PTPRC: variants seen among roughly 807,000 people sequenced by gnomAD.
PTPRC encodes the protein receptor-type tyrosine-protein phosphatase C.
A neutral mutation model predicts 155.9 loss-of-function variants in PTPRC; 44 were observed. That is an observed-to-expected ratio of 0.28 (90% CI 0.22 to 0.36). PTPRC has a LOEUF of 0.36. Ranked by LOEUF, PTPRC falls within the 10% of genes least tolerant of loss-of-function variation. The pLI, the probability that PTPRC is intolerant of heterozygous loss-of-function variation, is 1.00. For missense variants in PTPRC, 1,401 were observed against 1,564.6 expected, an observed-to-expected ratio of 0.90 and a Z score of 1.76; for synonymous variants, 525 against 533.1, an observed-to-expected ratio of 0.98 and a Z score of 0.21.
At chr1:198,740,496 C>T (rs888298284) in intron 23 of PTPRC, among the ~76,000 whole-genome samples, 1 of 151,774 alleles carries the variant, frequency 6.6e-6, no homozygotes, top group East Asian at 1.9e-4. Flanking sequence ...GCAGTAGAAT[C>T]ACTTGAACCT....
At chr1:198,704,577 C>T in intron 8 of PTPRC, 79 bp downstream of exon 8, 6 of 1,611,938 alleles carry the variant, frequency 3.7e-6, no homozygotes, top group Non-Finnish European at 5.1e-6. Context: ...TCCAAGCTTT[C>T]AGGACCCACT....
At chr1:198,754,021 A>T (rs892520509) in intron 31 of PTPRC, among the ~76,000 whole-genome samples, 10 of 152,216 alleles carry the variant, frequency 6.6e-5, no homozygotes, top group African/African-American at 2.4e-4. Flanking sequence ...ATACTAAATA[A>T]AAGAAAATAT....
chr1:198,731,743 T>C lies in PTPRC; in HGVS notation c.1974+17T>C, dbSNP rs768860009. On this transcript the variant is annotated intron_variant, in intron 18 of 32. Transcript: ENST00000442510. Reference sequence around the variant, plus strand: ...GAATTTCAGGTGTGTGTTGCTTTTGTTATATGATGATAAATTCGACATCAA... The same window carrying C: ...GAATTTCAGGTGTGTGTTGCTTTTGCTATATGATGATAAATTCGACATCAA... 3 of 1,540,102 alleles carry C rather than the reference T, an allele frequency of 1.9e-6. No individual in the cohort carries two copies. The highest frequency in any genetic ancestry group is 2.7e-6 in the Non-Finnish European group (3 of 1,113,592).
chr1:198,739,596 C>A (rs1418457864), intron 23 of PTPRC, among the ~76,000 whole-genome samples: 1 of 151,674 alleles, frequency 6.6e-6, no homozygotes, highest in African/African-American at 2.4e-5. Context: ...ATTGTTAGAG[C>A]TAAAGAGAGA....
intron 2 of PTPRC, among the ~76,000 whole-genome samples, chr1:198,662,471 TGTGTGTGAGA>T (rs954656489): frequency 2.2e-4 from 29 of 131,104 alleles, no homozygotes; most frequent in Non-Finnish European, 3.4e-4. Context: ...TGTGTGTGTG[TGTGTGTGAGA>T]GTGTGTGTGT....
chr1:198,720,862 C>A (rs752716805), intron 14 of PTPRC, among the ~76,000 whole-genome samples: 4 of 152,056 alleles, frequency 2.6e-5, no homozygotes, highest in Admixed American at 6.5e-5. Flanking sequence ...ATACTTCATT[C>A]CCCACTGCTT....
chr1:198,712,731 G>A, intron 11 of PTPRC: 1 of 554,934 alleles, frequency 1.8e-6, no homozygotes, highest in South Asian at 2.2e-5. Context: ...TCAAGTCAGT[G>A]GAATGCTTAG....
chr1:198,679,724 C>G, intron 2 of PTPRC: 1 of 393,102 alleles, frequency 2.5e-6, no homozygotes, highest in Admixed American at 3.6e-5. Flanking sequence ...GAGGCCCGAG[C>G]CCACGTAATG....
Position 198,732,313 on chromosome 1 carries a change from T to C in PTPRC, c.1988T>C (p.Val663Ala). ...TGTTTCTTTCAGAGCATCCCGCGGG[T>C]GTTCAGCAAGTTTCCTATAAAGGAA... ...FLAEFQSIPR[V>A]FSKFPIKEAR... The change falls in exon 19 of 33, where the codon GTG becomes GCG. Residue 663 changes from valine to alanine, a missense_variant. Coordinates refer to ENST00000442510, the MANE Select transcript of PTPRC (RefSeq NM_002838.5). The C allele has an allele frequency of 1.2e-6, 2 of 1,612,104 alleles. No individual in the cohort carries two copies. Among genetic ancestry groups the C allele is most frequent in the South Asian group, 2.2e-5 (2 of 91,032 alleles).
At chr1:198,740,783 G>A (rs1307564368) in intron 23 of PTPRC, among the ~76,000 whole-genome samples, 1 of 151,810 alleles carries the variant, frequency 6.6e-6, no homozygotes, top group Non-Finnish European at 1.5e-5. Context: ...CTAGATACAT[G>A]CAACCTATCA....
At chr1:198,723,112 C>CAT (rs3033891) in intron 15 of PTPRC, among the ~76,000 whole-genome samples, 74,394 of 143,902 alleles carry the variant, frequency 0.52, 20,495 homozygotes, top group East Asian at 0.81. Context: ...TAGTTTCCTT[C>CAT]ATATATATAT....
chr1:198,698,001 G>A (rs1446965618), intron 4 of PTPRC, among the ~76,000 whole-genome samples: 4 of 152,106 alleles, frequency 2.6e-5, no homozygotes, highest in Admixed American at 2.0e-4. Flanking sequence ...TGAACACATT[G>A]CCCAAAATTT....
In PTPRC at chr1:198,717,197, G is replaced by A. The variant is rs151025657; in HGVS notation, c.1450+357G>A. 3.5e-4 allele frequency among the ~76,000 whole-genome samples: 53 copies of A among 152,312 alleles called. No homozygotes were observed. In the East Asian group the frequency reaches 9.4e-3, roughly 27 times the overall value. ...TAATTGTAATCAGAAACCTAACAAT[G>A]TCTCATAAAGCATTAGCCTACTAAC... On this transcript the variant is annotated intron_variant, in intron 13 of 32. Coordinates refer to ENST00000442510, the MANE Select transcript of PTPRC (RefSeq NM_002838.5).
Position 198,735,169 on chromosome 1 carries a change from C to G in PTPRC, c.2320C>G (p.Arg774Gly). The change falls in exon 23 of 33, where the codon CGG becomes GGG. Residue 774 changes from arginine to glycine, a missense_variant. Arg to Gly is a moderately radical substitution (Grantham distance 125, BLOSUM62 -2). This residue lies in a region of PTPRC where 867 missense variants were observed against 970.4 expected (regional missense o/e 0.89). Coordinates refer to ENST00000442510, the MANE Select transcript of PTPRC (RefSeq NM_002838.5). ...EYWPSMEEGT[R>G]AFGDVVVKIN... ...CTGGCCGTCAATGGAAGAGGGCACT[C>G]GGGCTTTTGGAGATGTTGTTGTAAA... is the stretch of plus-strand genomic sequence containing the variant. 1 of 1,603,636 alleles carries G rather than the reference C, an allele frequency of 6.2e-7. No homozygotes were observed. The highest frequency in any genetic ancestry group is 8.5e-7 in the Non-Finnish European group (1 of 1,173,698).
chr1:198,731,643 G>A lies in PTPRC; in HGVS notation c.1891G>A (p.Glu631Lys), dbSNP rs1486244862. The part of the protein sequence containing the change: ...RDDEKQLMNV[E>K]PIHADILLET... The stretch of plus-strand genomic sequence containing the variant: ...TGATGAAAAACAACTGATGAATGTG[G>A]AGCCAATCCATGCAGATATTTTGTT... Residue 631 changes from glutamate to lysine, a missense_variant, in exon 18 of 33, where the codon GAG becomes AAG. This residue lies in a region of PTPRC where 867 missense variants were observed against 970.4 expected (regional missense o/e 0.89). Transcript: ENST00000442510. 1.6e-5 allele frequency: 26 copies of A among 1,610,608 alleles called. No homozygotes were observed. The highest frequency in any genetic ancestry group is 2.2e-5 in the Non-Finnish European group (26 of 1,177,470).
intron 2 of PTPRC, among the ~76,000 whole-genome samples, chr1:198,681,280 A>G (rs1353619869): frequency 6.6e-6 from 1 of 152,242 alleles, no homozygotes; most frequent in Non-Finnish European, 1.5e-5. Flanking sequence ...ATAGGAATAT[A>G]CAGCATGGAA....
At position 198,734,323 on chromosome 1, in the gene PTPRC, C is replaced by G; in HGVS notation, c.2180-5C>G. ...CTTATCAGCTTTTATTTGTTTACCT[C>G]CTAGGTCCCAGGGATGAAACTGTTG... is the stretch of plus-strand genomic sequence containing the variant. On this transcript the variant is annotated splice_region_variant and splice_polypyrimidine_tract_variant and intron_variant, in intron 21 of 32. Coordinates refer to ENST00000442510, the MANE Select transcript of PTPRC (RefSeq NM_002838.5). 2.5e-6 allele frequency: 4 copies of G among 1,611,028 alleles called. No homozygotes were observed. The highest frequency in any genetic ancestry group is 3.4e-6 in the Non-Finnish European group (4 of 1,177,886).
chr1:198,665,542 G>A (rs1168505940), intron 2 of PTPRC, among the ~76,000 whole-genome samples: 1 of 152,084 alleles, frequency 6.6e-6, no homozygotes, highest in African/African-American at 2.4e-5. Context: ...TTTTGCAATG[G>A]CAGGTCCCCG....
chr1:198,670,927 A>T (rs189514792), intron 2 of PTPRC, among the ~76,000 whole-genome samples: 9 of 152,302 alleles, frequency 5.9e-5, no homozygotes, highest in Admixed American at 3.3e-4. Context: ...AACTATTTAC[A>T]TAGCATTTAT....
Sources: allele counts gnomAD v4.1 joint callset (sites outside exome capture counted in the v4.1 genomes callset), GRCh38; gene constraint gnomAD v4.1.1; regional missense constraint gnomAD v4.1.1; transcripts MANE v1.5; gene names NCBI Gene and HGNC (gene_info 2026-07-23, HGNC 2026-07-21).